Variants in GAD2 observed in about 807,000 individuals in gnomAD.
GAD2 encodes 65 kDa glutamic acid decarboxylase.
A neutral mutation model predicts 80.1 loss-of-function variants in GAD2; 22 were observed. That is an observed-to-expected ratio of 0.27 (90% confidence interval 0.20 to 0.39). The LOEUF is 0.39. GAD2 is among the 10% of genes least tolerant of loss of function. The pLI is 1.00. For synonymous variants in GAD2, 274 were observed against 256.9 expected (o/e 1.07, Z -0.64); for missense variants, 624 against 738.4 (o/e 0.85, Z 1.80).
chr10:26,236,887 C>T (rs1844678758), intron 7 of GAD2, among the ~76,000 whole-genome samples: 1 of 152,172 alleles, frequency 6.6e-6, no homozygotes, highest in Non-Finnish European at 1.5e-5. Context: ...TTCTCCTCTA[C>T]CCAGTCCATC....
chr10:26,266,322 G>C (rs1288217066), intron 8 of GAD2, among the ~76,000 whole-genome samples: 1 of 152,172 alleles, frequency 6.6e-6, no homozygotes, highest in Non-Finnish European at 1.5e-5. Context: ...ATGGGGCCAT[G>C]TATTTTAAAC....
chr10:26,256,092 T>C (rs964478413), intron 8 of GAD2, among the ~76,000 whole-genome samples: 1 of 152,116 alleles, frequency 6.6e-6, no homozygotes, highest in African/African-American at 2.4e-5. Context: ...GCAGGAATAG[T>C]AAAAAGAATG....
chr10:26,279,481 G>A (rs577581880), intron 11 of GAD2, among the ~76,000 whole-genome samples: 9 of 152,270 alleles, frequency 5.9e-5, no homozygotes, highest in Non-Finnish European at 1.0e-4. Context: ...TGCAGGAGCC[G>A]TACCCTGTAT....
chr10:26,300,708 A>T, intron 15 of GAD2, 80 bp from the exon 16 acceptor site: 2 of 1,307,354 alleles, frequency 1.5e-6, no homozygotes, highest in Non-Finnish European at 2.2e-6. Flanking sequence ...AAAACTAAAG[A>T]CGCTGCTTGC....
chr10:26,293,687 T>C (rs928722492), intron 15 of GAD2, among the ~76,000 whole-genome samples: 3 of 152,218 alleles, frequency 2.0e-5, no homozygotes, highest in African/African-American at 7.2e-5. Context: ...ACAACGCTGC[T>C]GCTGACCCTC....
At chr10:26,247,005 G>A (rs1844818154) in intron 8 of GAD2, among the ~76,000 whole-genome samples, 2 of 152,204 alleles carry the variant, frequency 1.3e-5, no homozygotes, top group South Asian at 2.1e-4. Context: ...CATCCCAAGA[G>A]AGGATTCTTG....
At chr10:26,229,489 C>T (rs2839675) in intron 6 of GAD2, among the ~76,000 whole-genome samples, 173 bp from the exon 7 acceptor site, 92,640 of 152,066 alleles carry the variant, frequency 0.61, 29,169 homozygotes, top group East Asian at 0.91. Flanking sequence ...GTCCTGTCCC[C>T]ATGTGCCCTC....
At chr10:26,297,822 C>T (rs1048315670) in intron 15 of GAD2, among the ~76,000 whole-genome samples, 1 of 152,150 alleles carries the variant, frequency 6.6e-6, no homozygotes, top group Non-Finnish European at 1.5e-5. Context: ...CTGTATCACA[C>T]AGTAGAGTCA....
At chr10:26,300,555 G>C (rs901830004) in intron 15 of GAD2, among the ~76,000 whole-genome samples, 2 of 152,050 alleles carry the variant, frequency 1.3e-5, no homozygotes, top group African/African-American at 4.8e-5. Context: ...CAAGGTGGCA[G>C]GCAGCTGATA....
intron 8 of GAD2, among the ~76,000 whole-genome samples, chr10:26,251,327 G>A (rs1235686353): frequency 3.3e-5 from 5 of 151,952 alleles, no homozygotes; most frequent in Admixed American, 1.3e-4. Flanking sequence ...CATTTAGAGA[G>A]CTGGCTTTGG....
At chr10:26,242,865 C>T (rs1309019219) in intron 7 of GAD2, among the ~76,000 whole-genome samples, 2 of 152,124 alleles carry the variant, frequency 1.3e-5, no homozygotes, top group Non-Finnish European at 2.9e-5. Flanking sequence ...ATCCCCAGTT[C>T]GCCTTTTTGC....
At chr10:26,295,514 A>ACG (rs2132322548) in intron 15 of GAD2, among the ~76,000 whole-genome samples, 1 of 150,548 alleles carries the variant, frequency 6.6e-6, no homozygotes, top group East Asian at 1.9e-4. Flanking sequence ...GCATGCACAC[A>ACG]CACACACACA....
chr10:26,227,113 C>T (rs1844536675), intron 6 of GAD2, among the ~76,000 whole-genome samples: 1 of 152,168 alleles, frequency 6.6e-6, no homozygotes, highest in Non-Finnish European at 1.5e-5. Context: ...ATGCCTTAGC[C>T]TCTAGAGTAG....
At chr10:26,243,931 G>T (rs1313645569) in intron 7 of GAD2, among the ~76,000 whole-genome samples, 1 of 151,766 alleles carries the variant, frequency 6.6e-6, no homozygotes, top group Admixed American at 6.6e-5. Context: ...AGCCTTGTAT[G>T]TAAAATTGGC....
At chr10:26,242,036 A>C (rs193187334) in intron 7 of GAD2, among the ~76,000 whole-genome samples, 1 of 152,270 alleles carries the variant, frequency 6.6e-6, no homozygotes, top group Non-Finnish European at 1.5e-5. Flanking sequence ...GCTGGAGTGC[A>C]GTGGCGTGAT....
rs116641188 is a variant in GAD2 at position 26,249,214 on chromosome 10, A to G, written c.920+3214A>G. Among the ~76,000 whole-genome samples the G allele has an allele frequency of 3.4e-3, 517 of 152,144 alleles. 2 individuals are homozygous for G. The highest frequency in any genetic ancestry group is 0.012 in the African/African-American group (499 of 41,516). On this transcript the variant is annotated intron_variant, in intron 8 of 15. Coordinates refer to ENST00000376261, the MANE Select transcript of GAD2 (RefSeq NM_001134366.2). ...AGTAGCTGGGACTACAGGCACTCGC[A>G]ACACGCCTGGCTAGTTTTTGTATTT...
Position 26,300,972 on chromosome 10 carries a change from C to A in GAD2, c.*11C>A. On this transcript the variant is annotated 3_prime_UTR_variant, in exon 16 of 16. Coordinates refer to ENST00000376261, the MANE Select transcript of GAD2 (RefSeq NM_001134366.2). ...GGACAAGATTTATAATAACCTTGCT[C>A]ACCAAGCTGTTCCACTTCTCTAGGT... The A allele has an allele frequency of 6.2e-7, 1 of 1,609,612 alleles. No homozygotes were observed. The highest frequency in any genetic ancestry group is 8.5e-7 in the Non-Finnish European group (1 of 1,176,232).
intron 12 of GAD2, among the ~76,000 whole-genome samples, chr10:26,283,155 T>A (rs1845292133): frequency 6.6e-6 from 1 of 152,212 alleles, no homozygotes; most frequent in African/African-American, 2.4e-5. Context: ...TGACTGGCAA[T>A]TTGATGTTAC....
chr10:26,265,205 CT>C (rs66464746), intron 8 of GAD2, among the ~76,000 whole-genome samples: 48,440 of 136,820 alleles, frequency 0.35, 9,247 homozygotes, highest in African/African-American at 0.54. Flanking sequence ...CATCATACGA[CT>C]TTTTTTTTTT....
Sources: gnomAD v4.1 joint callset for allele counts (sites outside exome capture counted in the v4.1 genomes callset) on GRCh38, gnomAD v4.1.1 for gene constraint, MANE v1.5 for transcripts, NCBI Gene and HGNC (gene_info 2026-07-23, HGNC 2026-07-21) for gene names.